The following CTBP2 variants were observed in gnomAD, a reference collection of about 807,000 sequenced individuals.
CTBP2 encodes C-terminal binding protein 2.
Under a neutral mutation model 80.3 loss-of-function variants are expected in CTBP2, and 30 were observed. The ratio of observed to expected loss-of-function variants is 0.37; its 90% CI spans 0.28 to 0.51. CTBP2 has a LOEUF of 0.51. CTBP2 is among the 20% of genes least tolerant of loss of function. The pLI, the probability that CTBP2 is intolerant of heterozygous loss-of-function variation, is 0.93. For missense variants in CTBP2, 1,212 were observed against 1,375.3 expected, an observed-to-expected ratio of 0.88 and a Z score of 1.88; for synonymous variants, 594 against 587.4, an observed-to-expected ratio of 1.01 and a Z score of -0.16.
chr10:125,032,237 C>G (rs1390383697), upstream of CTBP2, among the ~76,000 whole-genome samples: 5 of 152,262 alleles, frequency 3.3e-5, no homozygotes, highest in African/African-American at 1.2e-4. Flanking sequence ...CTGGACAGCA[C>G]CCGGCACAAG....
intron 1 of CTBP2, among the ~76,000 whole-genome samples, chr10:125,013,112 C>A (rs1258227754): frequency 1.3e-5 from 2 of 152,184 alleles, no homozygotes; most frequent in African/African-American, 4.8e-5. Context: ...TTCCAGCCCA[C>A]AGCTCCTAAA....
In CTBP2 at chr10:124,985,277, G is replaced by A. The variant is rs1260772219; in HGVS notation, c.*4241C>T. ...AAATCTGTCTATAAATGTAACGCAT[G>A]TGGTTGTGTAAGACATTGTTTAATA... On this transcript the variant is annotated 3_prime_UTR_variant, in exon 9 of 9. Transcript: ENST00000309035. The A allele has an allele frequency of 1.3e-5, 4 of 306,522 alleles. No homozygotes were observed. The highest frequency in any genetic ancestry group is 8.6e-5 in the African/African-American group (4 of 46,632). 19.0% of individuals were successfully genotyped at this position (306,522 alleles called of 1,614,324 possible).
intron 2 of CTBP2, among the ~76,000 whole-genome samples, chr10:125,056,845 C>G (rs1163228164): frequency 6.6e-6 from 1 of 152,230 alleles, no homozygotes; most frequent in Non-Finnish European, 1.5e-5. Context: ...CCTCCCAGTC[C>G]GTGTCTGTGG....
At chr10:125,071,192 C>CAA (rs1429007334) in intron 2 of CTBP2, among the ~76,000 whole-genome samples, 2 of 152,206 alleles carry the variant, frequency 1.3e-5, no homozygotes, top group East Asian at 3.9e-4. Context: ...AGAGGGGAAA[C>CAA]AGAGGCAGCG....
intron 2 of CTBP2, among the ~76,000 whole-genome samples, chr10:125,059,405 AC>A (rs1964553877): frequency 6.6e-6 from 1 of 151,748 alleles, no homozygotes; most frequent in African/African-American, 2.4e-5. Flanking sequence ...ACATAGCAAA[AC>A]CCCGTCTCTA....
rs1564914621 is a variant in CTBP2, at chr10:125,098,744, GAGAGAC to G, written c.-102+12240_-102+12245del. Among the ~76,000 whole-genome samples the G allele has an allele frequency of 8.1e-3, 927 of 114,368 alleles. 31 individuals are homozygous for G. The highest frequency in any genetic ancestry group is 0.028 in the African/African-American group (806 of 28,320). The allele number at this position is 114,368 out of a possible 152,430, so 75.0% of individuals were successfully genotyped here. On this transcript the variant is annotated intron_variant, in intron 2 of 10. Coordinates refer to the CTBP2 transcript ENST00000337195. ...AGAGACAGAGAGAGAGAGAGAGAGA[GAGAGAC>G]AGAGAGAGAGAGAGAGAGAGAGAGA...
upstream of CTBP2, among the ~76,000 whole-genome samples, chr10:125,028,215 A>G (rs759691130): frequency 3.3e-5 from 5 of 152,160 alleles, no homozygotes; most frequent in Non-Finnish European, 4.4e-5. Flanking sequence ...ATTTACTTCC[A>G]CACTGACGCT....
intron 1 of CTBP2, among the ~76,000 whole-genome samples, chr10:125,013,395 T>TGTAAAATA (rs1202961571): frequency 3.3e-5 from 5 of 152,222 alleles, no homozygotes; most frequent in Non-Finnish European, 7.3e-5. Context: ...CGCCCGAAGT[T>TGTAAAATA]GTAAAATAGT....
rs372937210 is a variant in CTBP2, at chr10:125,118,642, G to A, written c.-205-7549C>T. On this transcript the variant is annotated intron_variant, in intron 1 of 10. Coordinates refer to the CTBP2 transcript ENST00000337195. ...CACCCCCACACACCTGTACCTGAGT[G>A]GGGCACGACAGTCCTACTTACAGAC... Among the ~76,000 whole-genome samples the A allele has an allele frequency of 4.0e-5, 6 of 151,358 alleles. No homozygotes were observed. In the South Asian group the frequency reaches 6.3e-4, roughly 16 times the overall value.
At chr10:125,105,173 G>A (rs907775478) in intron 2 of CTBP2, among the ~76,000 whole-genome samples, 1 of 151,958 alleles carries the variant, frequency 6.6e-6, no homozygotes, top group East Asian at 1.9e-4. Context: ...CTGGAGATGG[G>A]GTCTCCCTCT....
At chr10:125,087,797 C>G (rs1848216979) in intron 2 of CTBP2, among the ~76,000 whole-genome samples, 1 of 152,228 alleles carries the variant, frequency 6.6e-6, no homozygotes, top group African/African-American at 2.4e-5. Context: ...CATGTACATG[C>G]TCTCTCTCAC....
intron 1 of CTBP2, among the ~76,000 whole-genome samples, chr10:125,135,845 G>C (rs1444389807): frequency 6.6e-6 from 1 of 152,176 alleles, no homozygotes; most frequent in East Asian, 1.9e-4. Flanking sequence ...TGTCAGTCAG[G>C]TGTGCATTTA....
At chr10:125,015,589 A>G (rs1008942369) in intron 1 of CTBP2, among the ~76,000 whole-genome samples, 4 of 152,126 alleles carry the variant, frequency 2.6e-5, no homozygotes, top group Non-Finnish European at 5.9e-5. Flanking sequence ...CCCAAACCCT[A>G]GAGGACTCCC....
chr10:125,058,153 G>C (rs1405876861), intron 2 of CTBP2, among the ~76,000 whole-genome samples: 2 of 152,026 alleles, frequency 1.3e-5, no homozygotes, highest in African/African-American at 4.8e-5. Flanking sequence ...ACTGTCACCT[G>C]AACTTGACCA....
intron 2 of CTBP2, among the ~76,000 whole-genome samples, chr10:125,095,890 C>T (rs1590738323): frequency 6.6e-6 from 1 of 152,158 alleles, no homozygotes; most frequent in African/African-American, 2.4e-5. Flanking sequence ...CTTGCTAAGG[C>T]CCAATGGTCA....
intron 1 of CTBP2, among the ~76,000 whole-genome samples, chr10:125,153,120 T>C (rs1042667273): frequency 5.3e-5 from 8 of 152,234 alleles, no homozygotes; most frequent in Admixed American, 1.3e-4. Flanking sequence ...GGCCTCCCTG[T>C]TCCGAGCAGA....
rs991326631 is a variant in CTBP2 at position 124,986,973 on chromosome 10, T to C, written c.*2545A>G. 7 of 150,998 alleles carry C rather than the reference T, an allele frequency of 4.6e-5. No individual in the cohort carries two copies. Among genetic ancestry groups the C allele is most frequent in the African/African-American group, 1.7e-4 (7 of 41,274 alleles). 9.4% of individuals were successfully genotyped at this position (150,998 alleles called of 1,614,324 possible). On this transcript the variant is annotated 3_prime_UTR_variant, in exon 9 of 9. Transcript: ENST00000309035. ...TTTCCCCTGAGCGCTCTATTATTTA[T>C]TTATTTATTATCAATCAGTGACCCT...
chr10:124,992,495 T>C (rs933437942), intron 8 of CTBP2, among the ~76,000 whole-genome samples, 200 bp downstream of exon 10: 1 of 152,182 alleles, frequency 6.6e-6, no homozygotes, highest in Non-Finnish European at 1.5e-5. Flanking sequence ...CCTTTTAAAA[T>C]AGGAGCTTCT....
intron 2 of CTBP2, among the ~76,000 whole-genome samples, chr10:125,080,105 A>G (rs1846947281): frequency 6.6e-6 from 1 of 152,220 alleles, no homozygotes; most frequent in Non-Finnish European, 1.5e-5. Flanking sequence ...TGCAAAGTGC[A>G]CAAATCATTT....
Sources: allele counts gnomAD v4.1 joint callset (sites outside exome capture counted in the v4.1 genomes callset), GRCh38; gene constraint gnomAD v4.1.1; transcripts MANE v1.5; gene names NCBI Gene and HGNC (gene_info 2026-07-23, HGNC 2026-07-21).